Variants in AUTS2 observed in about 807,000 individuals in gnomAD.
AUTS2 encodes autism susceptibility gene 2 protein.
Under a neutral mutation model 112.4 loss-of-function variants are expected in AUTS2, and 17 were observed. That is an observed-to-expected ratio of 0.15 (90% CI 0.10 to 0.23). The LOEUF (loss-of-function observed/expected upper bound fraction) is 0.23. Among genes scored for constraint, AUTS2 ranks in the 10% least tolerant of loss-of-function variants. The pLI, the probability that AUTS2 is intolerant of heterozygous loss-of-function variation, is 1.00. For missense variants in AUTS2, 1,510 were observed against 1,701.6 expected, an observed-to-expected ratio of 0.89 and a Z score of 1.98; for synonymous variants, 751 against 702.7, an observed-to-expected ratio of 1.07 and a Z score of -1.09.
At chr7:70,293,288 C>T (rs1788789076) in intron 4 of AUTS2, 1 of 152,136 alleles carries the variant, frequency 6.6e-6, no homozygotes, top group Non-Finnish European at 1.5e-5. Flanking sequence ...CTTAGGAGAG[C>T]TTAAGCCACT....
intron 4 of AUTS2, among the ~76,000 whole-genome samples, chr7:70,387,511 C>CT (rs761591505): frequency 3.9e-5 from 6 of 152,166 alleles, no homozygotes; most frequent in Non-Finnish European, 1.5e-5. Context: ...CATCTGGCTC[C>CT]TAACTATGTG....
intron 2 of AUTS2, among the ~76,000 whole-genome samples, chr7:69,902,310 T>C (rs1318754744): frequency 6.6e-6 from 1 of 152,206 alleles, no homozygotes; most frequent in Non-Finnish European, 1.5e-5. Flanking sequence ...CCTAGATGCC[T>C]GTAAATATCA....
At chr7:70,161,950 C>G (rs1178414548) in intron 4 of AUTS2, among the ~76,000 whole-genome samples, 1 of 152,102 alleles carries the variant, frequency 6.6e-6, no homozygotes, top group Non-Finnish European at 1.5e-5. Flanking sequence ...ACAATAGTTA[C>G]TGGCATACTC....
intron 2 of AUTS2, among the ~76,000 whole-genome samples, chr7:70,040,259 G>A (rs1396827171): frequency 6.6e-6 from 1 of 152,176 alleles, no homozygotes; most frequent in Admixed American, 6.5e-5. Context: ...CTATGTACCA[G>A]TCCTGTGGGG....
At chr7:70,405,038 G>A (rs1794474640) in intron 4 of AUTS2, among the ~76,000 whole-genome samples, 1 of 152,142 alleles carries the variant, frequency 6.6e-6, no homozygotes, top group Non-Finnish European at 1.5e-5. Flanking sequence ...TAGTTCAGGG[G>A]AAATGCAAAT....
At chr7:69,992,349 TACTGGAAACTTTACAG>T (rs1446187990) in intron 2 of AUTS2, among the ~76,000 whole-genome samples, 1 of 152,214 alleles carries the variant, frequency 6.6e-6, no homozygotes, top group Non-Finnish European at 1.5e-5. Flanking sequence ...CATATCCTTC[TACTGGAAACTTTACAG>T]ACTGGCAAGA....
At chr7:70,362,436 C>G (rs1386209771) in intron 4 of AUTS2, among the ~76,000 whole-genome samples, 2 of 152,186 alleles carry the variant, frequency 1.3e-5, no homozygotes, top group African/African-American at 4.8e-5. Flanking sequence ...AGAAGACATT[C>G]AAATCCTGAA....
At chr7:70,405,770 T>G (rs183161017) in intron 4 of AUTS2, among the ~76,000 whole-genome samples, 1 of 152,354 alleles carries the variant, frequency 6.6e-6, no homozygotes, top group East Asian at 1.9e-4. Flanking sequence ...ATAAAAATCC[T>G]CTCCGTGCCA....
Position 70,694,712 on chromosome 7 carries a change from A to G in AUTS2, c.691-3857A>G, listed in dbSNP as rs2129546879. 6.8e-6 allele frequency: 1 copy of G among 146,348 alleles called. No individual in the cohort carries two copies. The highest frequency in any genetic ancestry group is 1.5e-5 in the Non-Finnish European group (1 of 65,708). The allele number at this position is 146,348 out of a possible 1,614,324, so 9.1% of individuals were successfully genotyped here. ...CGCGCCGCAGGAGCGGCGGGGAGAC[A>G]GTGGCGAGCGCGGGCCGGGCGATCT... On this transcript the variant is annotated intron_variant, in intron 5 of 18. Transcript: ENST00000342771. The surrounding 1 kb of genome is among the most constrained non-coding windows in gnomAD (Gnocchi z 4.1).
chr7:70,439,282 G>A (rs1009703036), intron 5 of AUTS2, among the ~76,000 whole-genome samples: 6 of 152,190 alleles, frequency 3.9e-5, no homozygotes, highest in African/African-American at 1.4e-4. Flanking sequence ...GCTGATGCCT[G>A]TAATCCCAAC....
intron 5 of AUTS2, among the ~76,000 whole-genome samples, chr7:70,510,838 T>TTTTATTTA (rs532053942): frequency 3.3e-5 from 5 of 151,856 alleles, no homozygotes; most frequent in African/African-American, 1.2e-4. Context: ...ATTTATTTAT[T>TTTTATTTA]TTTATTTATT....
chr7:70,075,979 A>T (rs1230731235), intron 2 of AUTS2, among the ~76,000 whole-genome samples: 1 of 152,208 alleles, frequency 6.6e-6, no homozygotes, highest in Non-Finnish European at 1.5e-5. Context: ...CTGCCACTGT[A>T]GCAGGAAAGC....
At chr7:69,915,279 T>C (rs1341338078) in intron 2 of AUTS2, among the ~76,000 whole-genome samples, 4 of 152,242 alleles carry the variant, frequency 2.6e-5, no homozygotes, top group Non-Finnish European at 1.5e-5. Flanking sequence ...TAAGAAACTT[T>C]TGAGAAAAAT....
chr7:70,660,380 C>A lies in AUTS2; in HGVS notation c.691-38189C>A, dbSNP rs1371958809. Among the ~76,000 whole-genome samples the A allele has an allele frequency of 9.2e-5, 14 of 152,238 alleles. No homozygotes were observed. The East Asian group carries it at 2.5e-3, about 27-fold the overall frequency. On this transcript the variant is annotated intron_variant, in intron 5 of 18. Coordinates refer to ENST00000342771, the MANE Select transcript of AUTS2 (RefSeq NM_015570.4). ...ACTCTGTGCAAGCCCAGGGCCCGGT[C>A]GCCATCTGTGTGATGAATCCAGGCA...
chr7:70,459,025 A>C (rs1796859293), intron 5 of AUTS2, among the ~76,000 whole-genome samples: 3 of 152,212 alleles, frequency 2.0e-5, no homozygotes, highest in Admixed American at 2.0e-4. Context: ...AGGATGGCTC[A>C]GGACTCTCTT....
At chr7:70,499,794 T>G (rs1562997444) in intron 5 of AUTS2, among the ~76,000 whole-genome samples, 1 of 152,188 alleles carries the variant, frequency 6.6e-6, no homozygotes, top group East Asian at 1.9e-4. Flanking sequence ...GAATTGTTAG[T>G]TTACAGCAAG....
At chr7:69,849,348 T>C (rs1792355596) in intron 1 of AUTS2, among the ~76,000 whole-genome samples, 1 of 152,230 alleles carries the variant, frequency 6.6e-6, no homozygotes, top group South Asian at 2.1e-4. Context: ...GCCAAAATAA[T>C]ATAGAGAGAT....
chr7:70,123,175 C>T (rs1036197837), intron 3 of AUTS2, among the ~76,000 whole-genome samples: 3 of 151,990 alleles, frequency 2.0e-5, no homozygotes, highest in African/African-American at 2.4e-5. Flanking sequence ...CATGTTCGGC[C>T]GAGATGAAAG....
chr7:70,544,935 T>C (rs1034418854), intron 5 of AUTS2, among the ~76,000 whole-genome samples: 1 of 152,146 alleles, frequency 6.6e-6, no homozygotes, highest in Non-Finnish European at 1.5e-5. Flanking sequence ...CCAAGGAGCC[T>C]GGGACCTATG....
Sources: allele counts gnomAD v4.1 joint callset (sites outside exome capture counted in the v4.1 genomes callset), GRCh38; gene constraint gnomAD v4.1.1; non-coding constraint Gnocchi (gnomAD v3.1); transcripts MANE v1.5; gene names NCBI Gene and HGNC (gene_info 2026-07-23, HGNC 2026-07-21).